The following ITGAD variants were observed in gnomAD, a reference collection of about 807,000 sequenced individuals.
ITGAD encodes integrin subunit alpha D.
A neutral mutation model predicts 139.0 loss-of-function variants in ITGAD; 105 were observed. That is an observed-to-expected ratio of 0.76 (90% confidence interval 0.65 to 0.89). The LOEUF is 0.89. Ranked by LOEUF, ITGAD falls within the 40% of genes least tolerant of loss-of-function variation. ITGAD has a pLI of 0.00. For synonymous variants in ITGAD, 569 were observed against 598.3 expected, an observed-to-expected ratio of 0.95 and a Z score of 0.71; for missense variants, 1,384 against 1,487.3, an observed-to-expected ratio of 0.93 and a Z score of 1.14.
At chr16:31,408,876 C>T (rs1393133011) in intron 10 of ITGAD, among the ~76,000 whole-genome samples, 2 of 152,164 alleles carry the variant, frequency 1.3e-5, no homozygotes, top group Non-Finnish European at 2.9e-5. Flanking sequence ...CCCAGGTCCT[C>T]GGCGGGAGAG....
chr16:31,415,920 G>A (rs1488867922), intron 18 of ITGAD, among the ~76,000 whole-genome samples: 4 of 152,086 alleles, frequency 2.6e-5, no homozygotes, highest in South Asian at 4.2e-4. Context: ...CCCAGCCCTC[G>A]CCCAACCCAG....
At chr16:31,402,366 T>C (rs2081430227) in intron 6 of ITGAD, 121 bp downstream of exon 6, 1 of 909,002 alleles carries the variant, frequency 1.1e-6, no homozygotes, top group Non-Finnish European at 1.7e-6. Context: ...GGGTGGAGAA[T>C]GAAGCTATGG....
At position 31,411,187 on chromosome 16, in the gene ITGAD, C is replaced by T. The variant is rs2142753919; in HGVS notation, c.1468C>T (p.Gln490Ter). 1 of 1,613,862 alleles carries T rather than the reference C, an allele frequency of 6.2e-7. No homozygotes were observed. The highest frequency in any genetic ancestry group is 2.2e-5 in the East Asian group (1 of 44,868). Residue 490 changes from glutamine (Q) to a stop codon, truncating the protein, a stop_gained, in exon 13 of 30, where the codon CAG becomes TAG. Transcript: ENST00000389202. LOFTEE classifies it high-confidence loss of function. ...TTACTATGAGCAGACCCGAGGGGGCCAGGTGTCCGTGTGTCCCTTGCCTAG... is the reference window on the plus strand; with the variant it reads ...TTACTATGAGCAGACCCGAGGGGGCTAGGTGTCCGTGTGTCCCTTGCCTAG... ...PHYYEQTRGG[Q>*]VSVCPLPRGR...
At position 31,410,885 on chromosome 16, in the gene ITGAD, CG is replaced by C; in HGVS notation, c.1356+8del. The C allele has an allele frequency of 6.9e-7, 1 of 1,457,930 alleles. No individual in the cohort carries two copies. The highest frequency in any genetic ancestry group is 9.2e-7 in the Non-Finnish European group (1 of 1,087,792). The allele number at this position is 1,457,930 out of a possible 1,614,324, so 90.3% of individuals were successfully genotyped here. On this transcript the variant is annotated splice_region_variant and intron_variant, in intron 12 of 29. Transcript: ENST00000389202. ...CGAAGTCACAGGGACGCAGGTTGGG[CG>C]TGACAGGAGCCAGAGGGGAGGATGA...
rs1436564494 is a variant in ITGAD at position 31,418,091 on chromosome 16, G to T, written c.2516G>T (p.Ser839Ile). Residue 839 changes from serine (S) to isoleucine (I), a missense_variant, in exon 21 of 30, where the codon AGT becomes ATT. Physicochemically the swap from Ser to Ile is moderately radical, Grantham distance 142. Transcript: ENST00000389202. ...CTCCCCTAGAAGCAGCCCCATCAGA[G>T]TGCCCTGCGCCTGGCATGTGAGACA... ...VSGAQKQPHQ[S>I]ALRLACETVP... 2 of 1,614,064 alleles carry T rather than the reference G, an allele frequency of 1.2e-6. No homozygotes were observed. The highest frequency in any genetic ancestry group is 4.5e-5 in the East Asian group (2 of 44,876).
At position 31,397,869 on chromosome 16, in the gene ITGAD, G is replaced by T. The variant is rs750617929; in HGVS notation, c.387G>T (p.Ser129=). Residue 129 remains serine (S), a synonymous_variant, in exon 5 of 30, where the codon TCG becomes TCT. Transcript: ENST00000389202. ...AGGGTTCCTGCCTCCTGCTGGGCTCGCGCTGGGAGATCATCCAGACAGTCC... is the reference window on the plus strand; with the variant it reads ...AGGGTTCCTGCCTCCTGCTGGGCTCTCGCTGGGAGATCATCCAGACAGTCC... ...YSKGSCLLLG[S]RWEIIQTVPD... is the part of the protein sequence containing the mutation. 6.2e-7 allele frequency: 1 copy of T among 1,613,530 alleles called. No individual in the cohort carries two copies. The highest frequency in any genetic ancestry group is 1.3e-5 in the African/African-American group (1 of 74,922).
intron 2 of ITGAD, among the ~76,000 whole-genome samples, chr16:31,394,747 C>A (rs544570351): frequency 6.6e-6 from 1 of 152,366 alleles, no homozygotes; most frequent in Admixed American, 6.5e-5. Context: ...TCACAGCTTA[C>A]TGCAGCCTCA....
chr16:31,409,859 C>T (rs941558568), intron 10 of ITGAD, among the ~76,000 whole-genome samples: 2 of 139,042 alleles, frequency 1.4e-5, no homozygotes, highest in African/African-American at 2.7e-5. Context: ...CTGCAGTGAG[C>T]GATGATTGTG....
intron 5 of ITGAD, among the ~76,000 whole-genome samples, chr16:31,401,482 G>A (rs1021851673): frequency 9.2e-5 from 14 of 152,168 alleles, no homozygotes; most frequent in Non-Finnish European, 1.8e-4. Flanking sequence ...CTGACCGACT[G>A]GGGGTAGGGT....
intron 23 of ITGAD, among the ~76,000 whole-genome samples, chr16:31,418,952 A>C (rs1307594397): frequency 6.9e-6 from 1 of 144,990 alleles, no homozygotes; most frequent in Non-Finnish European, 1.5e-5. Flanking sequence ...TGAATCCGGG[A>C]GGCGGAGGTT....
At position 31,418,315 on chromosome 16, in the gene ITGAD, C is replaced by T. The variant is rs757724648; in HGVS notation, c.2631C>T (p.Val877=). The stretch of plus-strand genomic sequence containing the variant: ...TCTTCCCTCAGGGCACCTTCATAGT[C>T]ACATTCGATGTCTCCTACAAGGCCA... ...FHEGSNGTFI[V]TFDVSYKATL... Residue 877 remains valine (V), a synonymous_variant, in exon 22 of 30, where the codon GTC becomes GTT. Transcript: ENST00000389202. 6.2e-7 allele frequency: 1 copy of T among 1,613,984 alleles called. No individual in the cohort carries two copies. The highest frequency in any genetic ancestry group is 8.5e-7 in the Non-Finnish European group (1 of 1,179,934).
In ITGAD at chr16:31,426,157, C is replaced by A; in HGVS notation, c.*29C>A. 1 of 1,438,426 alleles carries A rather than the reference C, an allele frequency of 7.0e-7. No homozygotes were observed. Among genetic ancestry groups the A allele is most frequent in the Non-Finnish European group, 9.8e-7 (1 of 1,024,354 alleles). 89.1% of individuals were successfully genotyped at this position (1,438,426 alleles called of 1,614,324 possible). ...TCCACTTTCCTGTTTATCTCTACCA[C>A]TGTGGGCTGGACTTGCTTGCAACCA... On this transcript the variant is annotated 3_prime_UTR_variant, in exon 30 of 30. Coordinates refer to ENST00000389202, the MANE Select transcript of ITGAD (RefSeq NM_005353.3).
At position 31,410,800 on chromosome 16, in the gene ITGAD, C is replaced by G; in HGVS notation, c.1278C>G (p.Tyr426Ter). 5 of 1,613,876 alleles carry G rather than the reference C, an allele frequency of 3.1e-6. No individual in the cohort carries two copies. The highest frequency in any genetic ancestry group is 4.2e-6 in the Non-Finnish European group (5 of 1,179,930). The stretch of plus-strand genomic sequence containing the variant: ...ACCTGGTCCTGGGGGCCCCCCGCTA[C>G]CAGCATACCGGGAAGGCTGTCATCT... The part of the protein sequence containing the change: ...VQNLVLGAPR[Y>*]QHTGKAVIFT... Residue 426 changes from tyrosine to a stop codon, truncating the protein, a stop_gained, in exon 12 of 30, where the codon TAC becomes TAG. Transcript: ENST00000389202. LOFTEE classifies it high-confidence loss of function.
chr16:31,397,062 GTTTTTTTTTTTTT>G lies in ITGAD; in HGVS notation c.138-280_138-268del, dbSNP rs539015704. ...AAATGCCATTTTGGTCTTTAAATAGGTTTTTTTTTTTTTTTTTTTTTTTTTTTTTGGTGAATGT... is the reference window on the plus strand; with the variant it reads ...AAATGCCATTTTGGTCTTTAAATAGGTTTTTTTTTTTTTTTTGGTGAATGT... On this transcript the variant is annotated intron_variant, in intron 2 of 29. Transcript: ENST00000389202. Among the ~76,000 whole-genome samples, 188 of 100,824 alleles carry G rather than the reference GTTTTTTTTTTTTT, an allele frequency of 1.9e-3. 1 individual carries two copies. The highest frequency in any genetic ancestry group is 8.8e-3 in the African/African-American group (180 of 20,452). The allele number at this position is 100,824 out of a possible 152,430, so 66.1% of individuals were successfully genotyped here. A position where few individuals can be genotyped will look rare whatever the true frequency, so the allele number is the denominator to read the frequency against.
At position 31,403,723 on chromosome 16, in the gene ITGAD, A is replaced by C; in HGVS notation, c.704+78A>C. On this transcript the variant is annotated intron_variant, in intron 7 of 29. Transcript: ENST00000389202. The surrounding 1 kb of genome is among the most constrained non-coding windows in gnomAD (Gnocchi z 4.4). The stretch of plus-strand genomic sequence containing the variant: ...ACCCTGGGTCAGCACAGCTCTTCTC[A>C]GAGGCTGAGGGAGGCTCCAGGGAAA... 42 of 1,560,986 alleles carry C rather than the reference A, an allele frequency of 2.7e-5. No homozygotes were observed. Among genetic ancestry groups the C allele is most frequent in the Non-Finnish European group, 3.2e-5 (37 of 1,139,636 alleles).
rs267604525 is a variant in ITGAD, at chr16:31,410,406, C to T, written c.1095C>T (p.Phe365=). The change falls in exon 11 of 30, where the codon TTC becomes TTT. Residue 365 remains phenylalanine (F), a synonymous_variant. Coordinates refer to ENST00000389202, the MANE Select transcript of ITGAD (RefSeq NM_005353.3). ...TTCTTTCCTCCCAGGATGGCCTCTTCCTGGGGGCTGTGGGGAGCTTTAGCT... is the reference window on the plus strand; with the variant it reads ...TTCTTTCCTCCCAGGATGGCCTCTTTCTGGGGGCTGTGGGGAGCTTTAGCT... ...FSTALTMDGL[F]LGAVGSFSWS... 1 of 1,613,826 alleles carries T rather than the reference C, an allele frequency of 6.2e-7. No homozygotes were observed. The highest frequency in any genetic ancestry group is 8.5e-7 in the Non-Finnish European group (1 of 1,179,944).
chr16:31,418,660 T>G (rs1032873370), intron 23 of ITGAD, 96 bp downstream of exon 23: 2 of 908,692 alleles, frequency 2.2e-6, no homozygotes, highest in African/African-American at 3.3e-5. Context: ...GATGCACATC[T>G]AAGCTCTCCT....
In ITGAD at chr16:31,416,264, G is replaced by GGT. The variant is rs1170018340; in HGVS notation, c.2338_2339dup (p.Thr781SerfsTer11). 1.6e-5 allele frequency: 26 copies of GGT among 1,604,546 alleles called. No individual in the cohort carries two copies. In the East Asian group the frequency reaches 5.6e-4, roughly 35 times the overall value. On this transcript the variant is annotated frameshift_variant, in exon 19 of 30. Coordinates refer to ENST00000389202, the MANE Select transcript of ITGAD (RefSeq NM_005353.3). LOFTEE classifies it high-confidence loss of function. ...AGATGGCCTCTGTGAAGGGGACCTGGGTGTCACCCTCAGCTTCTCAGGGTG... is the reference window on the plus strand; with the variant it reads ...AGATGGCCTCTGTGAAGGGGACCTGGGTGTGTCACCCTCAGCTTCTCAGGGTG...
At chr16:31,401,741 G>A (rs2081409849) in intron 5 of ITGAD, among the ~76,000 whole-genome samples, 1 of 152,242 alleles carries the variant, frequency 6.6e-6, no homozygotes, top group Admixed American at 6.5e-5. Flanking sequence ...TAATGTGCCT[G>A]AATTCACCAA....
Sources: allele counts gnomAD v4.1 joint callset (sites outside exome capture counted in the v4.1 genomes callset), GRCh38; gene constraint gnomAD v4.1.1; non-coding constraint Gnocchi (gnomAD v3.1); transcripts MANE v1.5; gene names NCBI Gene and HGNC (gene_info 2026-07-23, HGNC 2026-07-21).